CDH12: variants seen among roughly 807,000 people sequenced by gnomAD.
CDH12 encodes the protein cadherin-12.
A neutral mutation model predicts 74.1 loss-of-function variants in CDH12; 41 were observed. The ratio of observed to expected loss-of-function variants is 0.55; its 90% CI spans 0.43 to 0.72. The LOEUF (loss-of-function observed/expected upper bound fraction) is 0.72. Among genes scored for constraint, CDH12 ranks in the 30% least tolerant of loss-of-function variants. The pLI is 0.00. For missense variants in CDH12, 945 were observed against 977.2 expected, an observed-to-expected ratio of 0.97 and a Z score of 0.44; for synonymous variants, 399 against 355.0, an observed-to-expected ratio of 1.12 and a Z score of -1.39.
chr5:21,837,123 A>G (rs144667433), intron 8 of CDH12, among the ~76,000 whole-genome samples: 6 of 152,114 alleles, frequency 3.9e-5, no homozygotes, highest in African/African-American at 1.4e-4. Context: ...AGAAAATGCT[A>G]TACTGCCATA....
At chr5:22,132,001 G>A (rs1003479059) in intron 4 of CDH12, among the ~76,000 whole-genome samples, 1 of 152,118 alleles carries the variant, frequency 6.6e-6, no homozygotes, top group Non-Finnish European at 1.5e-5. Flanking sequence ...TTTAAAACGT[G>A]TATCTCCATG....
intron 1 of CDH12, among the ~76,000 whole-genome samples, chr5:22,765,845 T>G (rs537581180): frequency 6.6e-6 from 1 of 151,948 alleles, no homozygotes; most frequent in African/African-American, 2.4e-5. Flanking sequence ...CACAAAACAT[T>G]AAGTAATACT....
chr5:22,837,685 T>A (rs1382689004), intron 1 of CDH12, among the ~76,000 whole-genome samples: 1 of 152,194 alleles, frequency 6.6e-6, no homozygotes, highest in Non-Finnish European at 1.5e-5. Context: ...TGCTTTATAT[T>A]ATGGCTTGAG....
intron 2 of CDH12, among the ~76,000 whole-genome samples, chr5:22,434,593 G>A (rs986372378): frequency 7.9e-5 from 12 of 152,002 alleles, no homozygotes; most frequent in South Asian, 6.2e-4. Flanking sequence ...CCATCCTAAC[G>A]TCTTCCTCTC....
chr5:22,029,768 T>C (rs1243515488), intron 5 of CDH12, among the ~76,000 whole-genome samples: 1 of 151,814 alleles, frequency 6.6e-6, no homozygotes, highest in East Asian at 1.9e-4. Context: ...ACTGGGTATA[T>C]ACCCAAAGGA....
At chr5:22,653,375 AC>A (rs1220594678) in intron 1 of CDH12, among the ~76,000 whole-genome samples, 3 of 152,110 alleles carry the variant, frequency 2.0e-5, no homozygotes, top group African/African-American at 7.2e-5. Flanking sequence ...ATGCTTGATT[AC>A]ACTGCTCTTC....
chr5:22,097,946 C>A (rs1743892147), intron 4 of CDH12, among the ~76,000 whole-genome samples: 1 of 152,130 alleles, frequency 6.6e-6, no homozygotes, highest in Non-Finnish European at 1.5e-5. Context: ...TGTCCTAAAA[C>A]CAGACAAGGC....
intron 5 of CDH12, among the ~76,000 whole-genome samples, chr5:22,017,248 A>G (rs898679433): frequency 7.2e-5 from 11 of 152,110 alleles, no homozygotes; most frequent in South Asian, 4.2e-4. Context: ...AAACAGCTCA[A>G]AAAGACTGTT....
intron 1 of CDH12, among the ~76,000 whole-genome samples, chr5:22,589,390 TG>T (rs1281292758): frequency 6.6e-6 from 1 of 152,162 alleles, no homozygotes; most frequent in Non-Finnish European, 1.5e-5. Flanking sequence ...AATCAATGTT[TG>T]ATGTTGTAAT....
chr5:22,429,879 C>A (rs990977088), intron 2 of CDH12, among the ~76,000 whole-genome samples: 2 of 152,088 alleles, frequency 1.3e-5, no homozygotes, highest in African/African-American at 4.8e-5. Flanking sequence ...TATTCAAAGT[C>A]ATAGCATCTT....
intron 4 of CDH12, among the ~76,000 whole-genome samples, chr5:22,164,552 A>G (rs936464609): frequency 2.0e-5 from 3 of 152,180 alleles, no homozygotes; most frequent in African/African-American, 7.2e-5. Flanking sequence ...ACGGACCAGA[A>G]GAGTGCAGTT....
At chr5:22,535,517 A>T (rs1275055094) in intron 1 of CDH12, among the ~76,000 whole-genome samples, 1 of 152,138 alleles carries the variant, frequency 6.6e-6, no homozygotes, top group Non-Finnish European at 1.5e-5. Flanking sequence ...TCTTTATTAT[A>T]ATTTTAAGTG....
rs58259827 is a variant in CDH12, at chr5:22,059,336, C to CATCTATCT, written c.231+19102_231+19109dup. 5.8e-3 allele frequency among the ~76,000 whole-genome samples: 833 copies of CATCTATCT among 144,120 alleles called. 5 individuals are homozygous for CATCTATCT. The highest frequency in any genetic ancestry group is 7.5e-3 in the East Asian group (37 of 4,914). The allele number at this position is 144,120 out of a possible 152,430, so 94.5% of individuals were successfully genotyped here. A position where few individuals can be genotyped will look rare whatever the true frequency, so the allele number is the denominator to read the frequency against. On this transcript the variant is annotated intron_variant, in intron 5 of 14. Transcript: ENST00000382254. ...ATCTATCCATCTATCGTCTATCTAT[C>CATCTATCT]ATCTATCTATCTATCTATCTATCTA... is the stretch of plus-strand genomic sequence containing the variant.
chr5:22,438,047 G>T (rs527658685), intron 2 of CDH12, among the ~76,000 whole-genome samples: 3 of 151,744 alleles, frequency 2.0e-5, no homozygotes, highest in African/African-American at 7.3e-5. Flanking sequence ...GTATCTTTAC[G>T]TTTCTAACAA....
intron 1 of CDH12, among the ~76,000 whole-genome samples, chr5:22,791,559 C>T (rs1747907251): frequency 6.6e-6 from 1 of 152,158 alleles, no homozygotes; most frequent in Non-Finnish European, 1.5e-5. Flanking sequence ...TTCTTGGACT[C>T]TTCATTTTGT....
intron 2 of CDH12, among the ~76,000 whole-genome samples, chr5:22,424,596 G>T (rs1561393649): frequency 6.6e-6 from 1 of 152,076 alleles, no homozygotes; most frequent in Non-Finnish European, 1.5e-5. Flanking sequence ...AATTGTGCAG[G>T]CTTTGTTATT....
chr5:22,354,827 G>A (rs1415202798), intron 3 of CDH12, among the ~76,000 whole-genome samples: 1 of 152,110 alleles, frequency 6.6e-6, no homozygotes, highest in African/African-American at 2.4e-5. Context: ...AAACAAACAA[G>A]GAAAGGTCAT....
intron 1 of CDH12, among the ~76,000 whole-genome samples, chr5:22,616,872 T>G (rs1737716312): frequency 6.6e-6 from 1 of 152,072 alleles, no homozygotes; most frequent in Admixed American, 6.5e-5. Context: ...ATTTTCACTT[T>G]TTTTTTTCTT....
intron 4 of CDH12, among the ~76,000 whole-genome samples, chr5:22,111,033 T>C (rs1446799100): frequency 6.6e-6 from 1 of 152,174 alleles, no homozygotes; most frequent in Non-Finnish European, 1.5e-5. Context: ...TATTCTTAAC[T>C]CCTTGAGTGC....
Sources: allele counts gnomAD v4.1 joint callset (sites outside exome capture counted in the v4.1 genomes callset), GRCh38; gene constraint gnomAD v4.1.1; transcripts MANE v1.5; gene names NCBI Gene and HGNC (gene_info 2026-07-23, HGNC 2026-07-21).